Variants in ZNF490 observed in about 807,000 individuals in gnomAD.
The protein encoded by ZNF490 is zinc finger protein 490.
ZNF490 carries 11 observed loss-of-function variants against 17.7 expected under a neutral mutation model. The observed-to-expected ratio is 0.62, with a 90% CI of 0.39 to 1.03. The LOEUF (loss-of-function observed/expected upper bound fraction) is 1.03. Ranked by LOEUF, ZNF490 falls within the 50% of genes least tolerant of loss-of-function variation. ZNF490 has a pLI of 0.00. For synonymous variants in ZNF490, 222 were observed against 216.1 expected (o/e 1.03, Z -0.24); for missense variants, 542 against 643.4 (o/e 0.84, Z 1.71).
intron 2 of ZNF490, among the ~76,000 whole-genome samples, chr19:12,603,451 G>A (rs1266395861): frequency 6.6e-6 from 1 of 151,998 alleles, no homozygotes; most frequent in African/African-American, 2.4e-5. Flanking sequence ...TGACACCACT[G>A]CACTCCAGCC....
chr19:12,597,218 G>C (rs1555701109), intron 2 of ZNF490: 4 of 457,650 alleles, frequency 8.7e-6, no homozygotes, highest in Non-Finnish European at 1.8e-5. Flanking sequence ...GTCCCAGTGA[G>C]ACAAAGCATA....
chr19:12,581,273 G>C lies in ZNF490; in HGVS notation c.802C>G (p.His268Asp), dbSNP rs1217944366. 3.7e-6 allele frequency: 6 copies of C among 1,614,086 alleles called. No homozygotes were observed. The highest frequency in any genetic ancestry group is 5.1e-6 in the Non-Finnish European group (6 of 1,180,012). ...TTCTCTCCAGTGTGATTTTTTTCAT[G>C]GCGCCGAAGAGCAGTGAGATATCTG... ...AFRYLTALRR[H>D]EKNHTGEKPY... Residue 268 changes from histidine (H) to aspartate (D), a missense_variant, in exon 5 of 5, where the codon CAT becomes GAT. Transcript: ENST00000311437.
intron 2 of ZNF490, among the ~76,000 whole-genome samples, chr19:12,589,885 T>C (rs1018483941): frequency 4.1e-5 from 4 of 97,872 alleles, no homozygotes; most frequent in Non-Finnish European, 1.0e-4. Flanking sequence ...TATGTATGTA[T>C]GTATGTATGT....
chr19:12,602,633 T>C (rs2023021388), intron 2 of ZNF490, among the ~76,000 whole-genome samples: 1 of 151,746 alleles, frequency 6.6e-6, no homozygotes, highest in African/African-American at 2.4e-5. Context: ...CTTTTTTTTT[T>C]TTTTTGTCGA....
chr19:12,588,092 A>T lies in ZNF490; in HGVS notation c.163-4536T>A, dbSNP rs373346083. On this transcript the variant is annotated intron_variant, in intron 2 of 4. Transcript: ENST00000311437. ...ACCATGTTGGCCAGGCTGGTCTCAAACTCCTGACCTCAGGCGATCCGCCTG... is the reference window on the plus strand; with the variant it reads ...ACCATGTTGGCCAGGCTGGTCTCAATCTCCTGACCTCAGGCGATCCGCCTG... Among the ~76,000 whole-genome samples, 7 of 34,532 alleles carry T rather than the reference A, an allele frequency of 2.0e-4. 3 individuals are homozygous for T. Among genetic ancestry groups the T allele is most frequent in the Non-Finnish European group, 8.4e-4 (7 of 8,382 alleles). 22.7% of individuals were successfully genotyped at this position (34,532 alleles called of 152,430 possible).
rs1283147739 is a variant in ZNF490 at position 12,583,329 on chromosome 19, G to A, written c.289+101C>T. 2.7e-5 allele frequency: 37 copies of A among 1,383,430 alleles called. No homozygotes were observed. In the Middle Eastern group the frequency reaches 5.8e-4, roughly 22 times the overall value. 85.7% of individuals were successfully genotyped at this position (1,383,430 alleles called of 1,614,324 possible). A position where few individuals can be genotyped will look rare whatever the true frequency, so the allele number is the denominator to read the frequency against. ...ACTGGGATTACAGGCGCGAGCCACC[G>A]TGCCTGGCCCCTTCCCCCATTTTAA... On this transcript the variant is annotated intron_variant, in intron 3 of 4. Coordinates refer to ENST00000311437, the MANE Select transcript of ZNF490 (RefSeq NM_020714.3).
At position 12,580,170 on chromosome 19, in the gene ZNF490, T is replaced by C; in HGVS notation, c.*315A>G. On this transcript the variant is annotated 3_prime_UTR_variant, in exon 5 of 5. Transcript: ENST00000311437. The stretch of plus-strand genomic sequence containing the variant: ...TGGGATGGATATAGAATTTTCTTTA[T>C]AGTTTCTCTCCAGTATATATTCTCA... 1 of 1,077,778 alleles carries C rather than the reference T, an allele frequency of 9.3e-7. No homozygotes were observed. The highest frequency in any genetic ancestry group is 1.1e-6 in the Non-Finnish European group (1 of 889,572). The allele number at this position is 1,077,778 out of a possible 1,614,324, so 66.8% of individuals were successfully genotyped here.
rs542319960 is a variant in ZNF490 at position 12,576,182 on chromosome 19, G to T, written c.*4303C>A. 3.3e-5 allele frequency among the ~76,000 whole-genome samples: 5 copies of T among 152,154 alleles called. No individual in the cohort carries two copies. Among genetic ancestry groups the T allele is most frequent in the Admixed American group, 2.6e-4 (4 of 15,274 alleles). On this transcript the variant is annotated 3_prime_UTR_variant, in exon 5 of 5. Transcript: ENST00000311437. ...CTCACCAGCTCCATTCAGTGTTAAG[G>T]GGGGTGCTCCCAGGGAAATCAGGCA...
rs2022713015 is a variant in ZNF490 at position 12,580,429 on chromosome 19, T to C, written c.*56A>G. The C allele has an allele frequency of 2.6e-6, 4 of 1,521,658 alleles. No individual in the cohort carries two copies. Among genetic ancestry groups the C allele is most frequent in the Non-Finnish European group, 3.5e-6 (4 of 1,137,442 alleles). The allele number at this position is 1,521,658 out of a possible 1,614,324, so 94.3% of individuals were successfully genotyped here. A position where few individuals can be genotyped will look rare whatever the true frequency, so the allele number is the denominator to read the frequency against. On this transcript the variant is annotated 3_prime_UTR_variant, in exon 5 of 5. Coordinates refer to ENST00000311437, the MANE Select transcript of ZNF490 (RefSeq NM_020714.3). ...TTGAATTTCTCTCCAGCGTAAGTAC[T>C]CTCATACATCCAAAAGGAACTAATA...
rs749264174 is a variant in ZNF490 at position 12,610,528 on chromosome 19, G to T, written c.117+36C>A. 6 of 1,501,854 alleles carry T rather than the reference G, an allele frequency of 4.0e-6. No individual in the cohort carries two copies. The Admixed American group carries it at 1.0e-4, about 25-fold the overall frequency. 93.0% of individuals were successfully genotyped at this position (1,501,854 alleles called of 1,614,324 possible). A position where few individuals can be genotyped will look rare whatever the true frequency, so the allele number is the denominator to read the frequency against. On this transcript the variant is annotated intron_variant, in intron 1 of 4. Transcript: ENST00000311437. ...TTATAAACAAGGGTCACTATTCCAC[G>T]AGAGGCCTTACAACATTATGCCAAG... is the stretch of plus-strand genomic sequence containing the variant.
intron 2 of ZNF490, among the ~76,000 whole-genome samples, chr19:12,604,949 T>A (rs2023050523): frequency 6.6e-6 from 1 of 151,790 alleles, no homozygotes; most frequent in Non-Finnish European, 1.5e-5. Flanking sequence ...AGGTCAGGAG[T>A]TCGAGACCAG....
At position 12,580,181 on chromosome 19, in the gene ZNF490, C is replaced by T; in HGVS notation, c.*304G>A. ...TAGAATTTTCTTTATAGTTTCTCTC[C>T]AGTATATATTCTCAGGTGTCTTTAA... On this transcript the variant is annotated 3_prime_UTR_variant, in exon 5 of 5. Coordinates refer to ENST00000311437, the MANE Select transcript of ZNF490 (RefSeq NM_020714.3). The T allele has an allele frequency of 2.7e-6, 3 of 1,113,826 alleles. No individual in the cohort carries two copies. The highest frequency in any genetic ancestry group is 3.3e-6 in the Non-Finnish European group (3 of 911,476). 69.0% of individuals were successfully genotyped at this position (1,113,826 alleles called of 1,614,324 possible). A position where few individuals can be genotyped will look rare whatever the true frequency, so the allele number is the denominator to read the frequency against.
At chr19:12,610,531 A>T in intron 1 of ZNF490, 33 bp downstream of exon 1, 1 of 1,510,804 alleles carries the variant, frequency 6.6e-7, no homozygotes, top group Non-Finnish European at 9.2e-7. Flanking sequence ...ATTCCACGAG[A>T]GGCCTTACAA....
At chr19:12,598,732 T>C (rs907688866) in intron 2 of ZNF490, among the ~76,000 whole-genome samples, 1 of 150,216 alleles carries the variant, frequency 6.7e-6, no homozygotes, top group African/African-American at 2.4e-5. Context: ...CTCATGCCTG[T>C]AATCCCAGCA....
chr19:12,604,872 G>A (rs1352658495), intron 2 of ZNF490, among the ~76,000 whole-genome samples: 1 of 151,838 alleles, frequency 6.6e-6, no homozygotes, highest in African/African-American at 2.4e-5. Context: ...ATCCTTTGTA[G>A]GCTGGGTGCA....
intron 1 of ZNF490, 41 bp from the exon 2 acceptor site, chr19:12,609,243 A>G (rs1256571358): frequency 2.5e-6 from 4 of 1,585,386 alleles, no homozygotes; most frequent in Non-Finnish European, 3.5e-6. Context: ...AGTTTCAGCA[A>G]TTTAGAACTA....
At chr19:12,599,205 A>G (rs1222693072) in intron 2 of ZNF490, among the ~76,000 whole-genome samples, 2 of 151,494 alleles carry the variant, frequency 1.3e-5, no homozygotes, top group African/African-American at 2.4e-5. Context: ...AGAAAGTTAT[A>G]AAAATAAATA....
Position 12,596,891 on chromosome 19 carries a change from C to T in ZNF490, c.162+12267G>A, listed in dbSNP as rs188936382. On this transcript the variant is annotated intron_variant, in intron 2 of 4. Transcript: ENST00000311437. Reference sequence around the variant, plus strand: ...ATGGATTCTCAAACACACGAGAATCCGTCATGACTTTCCCGTGGCCCCTGC... The same window carrying T: ...ATGGATTCTCAAACACACGAGAATCTGTCATGACTTTCCCGTGGCCCCTGC... 1.2e-4 allele frequency among the ~76,000 whole-genome samples: 19 copies of T among 152,330 alleles called. No individual in the cohort carries two copies. The East Asian group carries it at 3.7e-3, about 29-fold the overall frequency.
rs1191468166 is a variant in ZNF490, at chr19:12,591,097, C to A, written c.163-7541G>T. 2.0e-5 allele frequency among the ~76,000 whole-genome samples: 3 copies of A among 151,634 alleles called. 1 individual carries two copies. The highest frequency in any genetic ancestry group is 4.4e-5 in the Non-Finnish European group (3 of 67,926). ...TTTGACTTCATTAAAATAAAAAAGT[C>A]CTGCTCTGGGGCCGGGCACGGTGGC... On this transcript the variant is annotated intron_variant, in intron 2 of 4. Transcript: ENST00000311437.
Sources: allele counts gnomAD v4.1 joint callset (sites outside exome capture counted in the v4.1 genomes callset), GRCh38; gene constraint gnomAD v4.1.1; transcripts MANE v1.5; gene names NCBI Gene and HGNC (gene_info 2026-07-23, HGNC 2026-07-21).